DZIP1: variants seen among roughly 807,000 people sequenced by gnomAD.
DZIP1 encodes cilium assembly protein DZIP1.
In DZIP1, 97 loss-of-function variants were observed where a neutral mutation model predicts 107.6. The ratio of observed to expected loss-of-function variants is 0.90; its 90% CI spans 0.77 to 1.07. The LOEUF is 1.07. Ranked by LOEUF, DZIP1 falls within the 50% of genes least tolerant of loss-of-function variation. The pLI is 0.00. For synonymous variants in DZIP1, 390 were observed against 386.4 expected (o/e 1.01, Z -0.11); for missense variants, 1,035 against 1,063.6 (o/e 0.97, Z 0.37).
intron 7 of DZIP1, among the ~76,000 whole-genome samples, chr13:95,626,892 C>T (rs2096298160): frequency 6.6e-6 from 1 of 151,990 alleles, no homozygotes; most frequent in Admixed American, 6.6e-5. Context: ...GAAAGACATC[C>T]CATGTTCATG....
chr13:95,625,000 T>G (rs753114039), intron 7 of DZIP1, 71 bp from the exon 8 acceptor site: 42 of 1,345,556 alleles, frequency 3.1e-5, no homozygotes, highest in Non-Finnish European at 4.1e-5. Context: ...AAAATAAAAG[T>G]TCATAGCATC....
At chr13:95,587,423 G>T (rs922365777) in intron 20 of DZIP1, 116 bp downstream of exon 20, 3 of 1,386,210 alleles carry the variant, frequency 2.2e-6, no homozygotes, top group African/African-American at 2.9e-5. Context: ...TTTGGGATCC[G>T]CTGCATCTGT....
rs1231424844 is a variant in DZIP1, at chr13:95,578,219, T to C, written c.*4015A>G. The C allele has an allele frequency of 1.0e-5, 4 of 380,956 alleles. No individual in the cohort carries two copies. The highest frequency in any genetic ancestry group is 8.3e-5 in the African/African-American group (4 of 47,908). 23.6% of individuals were successfully genotyped at this position (380,956 alleles called of 1,614,324 possible). A position where few individuals can be genotyped will look rare whatever the true frequency, so the allele number is the denominator to read the frequency against. On this transcript the variant is annotated 3_prime_UTR_variant, in exon 23 of 23. Transcript: ENST00000376829. ...TTCTGTTGTGGCTTTCTATAAAAAA[T>C]AAACAGTTTATTTACAGGATTTGTA...
chr13:95,590,259 G>A lies in DZIP1; in HGVS notation c.1843+20C>T. The A allele has an allele frequency of 6.4e-7, 1 of 1,564,428 alleles. No individual in the cohort carries two copies. Among genetic ancestry groups the A allele is most frequent in the Non-Finnish European group, 8.6e-7 (1 of 1,159,498 alleles). On this transcript the variant is annotated intron_variant, in intron 17 of 22. Transcript: ENST00000376829. ...AAGTTGTTAAATTAAGCTCCCATTT[G>A]CAGTGGGTAACAAGCTTACCTGAAG...
rs146890728 is a variant in DZIP1, at chr13:95,609,353, T to G, written c.1420+104A>C. 3.0e-4 allele frequency: 211 copies of G among 695,144 alleles called. 1 individual carries two copies. The East Asian group carries it at 6.9e-3, about 23-fold the overall frequency. The allele number at this position is 695,144 out of a possible 1,614,324, so 43.1% of individuals were successfully genotyped here. ...AATCATTATGTGATCTCTAAATACA[T>G]TGGTTTTCAAAGAAAAGCCTCTAAA... is the stretch of plus-strand genomic sequence containing the variant. On this transcript the variant is annotated intron_variant, in intron 13 of 22. Coordinates refer to ENST00000376829, the MANE Select transcript of DZIP1 (RefSeq NM_198968.4).
intron 14 of DZIP1, among the ~76,000 whole-genome samples, chr13:95,602,594 G>T: frequency 6.6e-6 from 1 of 152,256 alleles, no homozygotes; most frequent in East Asian, 1.9e-4. Flanking sequence ...CACCGCTGGA[G>T]AAACAGATAA....
intron 12 of DZIP1, among the ~76,000 whole-genome samples, chr13:95,610,055 AGTGTGTGTGTGTGTGTGT>A (rs58398816): frequency 0.011 from 1,153 of 109,300 alleles, 31 homozygotes; most frequent in African/African-American, 0.034. Flanking sequence ...TGACTGGTTT[AGTGTGTGTGTGTGTGTGT>A]GTGTGTGTGT....
chr13:95,609,503 T>G lies in DZIP1; in HGVS notation c.1374A>C (p.Leu458Phe). 1 of 1,586,086 alleles carries G rather than the reference T, an allele frequency of 6.3e-7. No individual in the cohort carries two copies. The highest frequency in any genetic ancestry group is 8.6e-7 in the Non-Finnish European group (1 of 1,167,204). ...NSISEPKGNP[L>F]AWQAFESQPA... The stretch of plus-strand genomic sequence containing the variant: ...GCTGAGATTCAAAAGCCTGCCAGGC[T>G]AAAGGATTTCCTGAAATGACAGAAA... Residue 458 changes from leucine to phenylalanine, a missense_variant, in exon 13 of 23, where the codon TTA (leucine) becomes TTC (phenylalanine). Physicochemically the swap from Leu to Phe is conservative, Grantham distance 22. Transcript: ENST00000376829.
At position 95,579,173 on chromosome 13, in the gene DZIP1, G is replaced by C. The variant is rs918506877; in HGVS notation, c.*3061C>G. 1 of 152,122 alleles carries C rather than the reference G, an allele frequency of 6.6e-6. No homozygotes were observed. Among genetic ancestry groups the C allele is most frequent in the African/African-American group, 2.4e-5 (1 of 41,430 alleles). The allele number at this position is 152,122 out of a possible 1,614,324, so 9.4% of individuals were successfully genotyped here. A position where few individuals can be genotyped will look rare whatever the true frequency, so the allele number is the denominator to read the frequency against. On this transcript the variant is annotated 3_prime_UTR_variant, in exon 23 of 23. Coordinates refer to ENST00000376829, the MANE Select transcript of DZIP1 (RefSeq NM_198968.4). ...GGTTAAGGACATCCCAAGCCCAAGT[G>C]GTACGTGCCTCACTCAGAACTGACG...
chr13:95,609,413 T>G (rs2044904197), intron 13 of DZIP1, 44 bp downstream of exon 13: 2 of 1,368,004 alleles, frequency 1.5e-6, no homozygotes, highest in East Asian at 2.6e-5. Context: ...GGTTTAGCAT[T>G]TTAAAGATAC....
intron 8 of DZIP1, among the ~76,000 whole-genome samples, chr13:95,623,301 C>G (rs939217652): frequency 1.3e-5 from 2 of 152,138 alleles, no homozygotes; most frequent in African/African-American, 4.8e-5. Flanking sequence ...GGGGAGCGCA[C>G]GTCTCCTCTC....
chr13:95,611,642 G>A, intron 11 of DZIP1, 149 bp from the exon 12 acceptor site: 1 of 671,790 alleles, frequency 1.5e-6, no homozygotes, highest in Admixed American at 3.1e-5. Context: ...AAGCATAGAG[G>A]CAGAAGTTAT....
At chr13:95,612,216 C>T (rs1158743788) in intron 10 of DZIP1, 39 bp from the exon 11 acceptor site, 3 of 1,592,170 alleles carry the variant, frequency 1.9e-6, no homozygotes, top group Non-Finnish European at 2.6e-6. Context: ...CTGTAAGCTG[C>T]ATGTCAAATG....
chr13:95,633,490 C>G (rs1029630994), intron 5 of DZIP1, among the ~76,000 whole-genome samples, 169 bp from the exon 6 acceptor site: 1 of 151,814 alleles, frequency 6.6e-6, no homozygotes, highest in African/African-American at 2.4e-5. Flanking sequence ...TGAGACCAGC[C>G]TGGCCAACAT....
At chr13:95,629,213 C>G (rs1876906792) in intron 7 of DZIP1, among the ~76,000 whole-genome samples, 1 of 152,238 alleles carries the variant, frequency 6.6e-6, no homozygotes, top group African/African-American at 2.4e-5. Context: ...TGGCCTTACT[C>G]TCTCCATTAG....
chr13:95,641,844 C>T lies in DZIP1; in HGVS notation c.48G>A (p.Lys16=), dbSNP rs867824219. 2.0e-5 allele frequency: 27 copies of T among 1,370,324 alleles called. No homozygotes were observed. The highest frequency in any genetic ancestry group is 2.3e-5 in the Non-Finnish European group (24 of 1,060,828). The allele number at this position is 1,370,324 out of a possible 1,614,324, so 84.9% of individuals were successfully genotyped here. A position where few individuals can be genotyped will look rare whatever the true frequency, so the allele number is the denominator to read the frequency against. ...CGCTGGCGAGCGGGTAGTAGACATG[C>T]TTCTGGAAGGGCTGCGGGGGGCACA... is the stretch of plus-strand genomic sequence containing the variant. ...ADWFSSMPFQ[K]HVYYPLASGP... Residue 16 remains lysine (K), a synonymous_variant, in exon 5 of 23, where the codon AAG becomes AAA. Transcript: ENST00000376829. The surrounding 1 kb of genome is among the most constrained non-coding windows in gnomAD (Gnocchi z 4.3).
intron 16 of DZIP1, among the ~76,000 whole-genome samples, chr13:95,590,968 C>T (rs564767853): frequency 1.1e-4 from 16 of 151,498 alleles, no homozygotes; most frequent in South Asian, 4.2e-4. Flanking sequence ...ACCCAAAAGG[C>T]TGAAAGGTTA....
chr13:95,622,899 C>T (rs550051625), intron 8 of DZIP1, among the ~76,000 whole-genome samples: 2 of 152,122 alleles, frequency 1.3e-5, no homozygotes, highest in Admixed American at 6.5e-5. Flanking sequence ...TGCACCACCA[C>T]ACCCAGATAA....
At chr13:95,627,797 A>C (rs989934119) in intron 7 of DZIP1, among the ~76,000 whole-genome samples, 1 of 152,238 alleles carries the variant, frequency 6.6e-6, no homozygotes, top group Non-Finnish European at 1.5e-5. Context: ...ATAATCAAGA[A>C]AAATGAAAAC....
Sources: allele counts gnomAD v4.1 joint callset (sites outside exome capture counted in the v4.1 genomes callset), GRCh38; gene constraint gnomAD v4.1.1; non-coding constraint Gnocchi (gnomAD v3.1); transcripts MANE v1.5; gene names NCBI Gene and HGNC (gene_info 2026-07-23, HGNC 2026-07-21).